Variants in KIF14 observed in about 807,000 individuals in gnomAD.
KIF14 encodes kinesin family member 14.
Under a neutral mutation model 176.2 loss-of-function variants are expected in KIF14, and 98 were observed. That is an observed-to-expected ratio of 0.56 (90% confidence interval 0.47 to 0.66). The LOEUF (loss-of-function observed/expected upper bound fraction) is 0.66. Among genes scored for constraint, KIF14 ranks in the 30% least tolerant of loss-of-function variants. The pLI, the probability that KIF14 is intolerant of heterozygous loss-of-function variation, is 0.00. For synonymous variants in KIF14, 566 were observed against 632.2 expected (o/e 0.90, Z 1.57); for missense variants, 1,751 against 1,920.4 (o/e 0.91, Z 1.65).
Position 200,603,246 on chromosome 1 carries a change from A to G in KIF14, c.1959T>C (p.Tyr653=), listed in dbSNP as rs749861863. The G allele has an allele frequency of 3.1e-6, 5 of 1,600,242 alleles. No individual in the cohort carries two copies. The Admixed American group carries it at 5.0e-5, about 16-fold the overall frequency. The part of the protein sequence containing the change: ...QANQRSVFIP[Y]RESVLTWLLK... ...CTTGCCATGTAAGAACAGATTCACG[A>G]TAAGGAATAAAAACACTCCTTTGGT... Residue 653 remains tyrosine (Y), a synonymous_variant, in exon 10 of 30, where the codon TAT becomes TAC. Transcript: ENST00000367350.
Position 200,590,455 on chromosome 1 carries a change from A to G in KIF14, c.2814-183T>C, listed in dbSNP as rs1184137066. Among the ~76,000 whole-genome samples the G allele has an allele frequency of 2.0e-5, 3 of 152,218 alleles. No individual in the cohort carries two copies. The South Asian group carries it at 6.2e-4, about 32-fold the overall frequency. ...GGCTCTACAATTGTTTACACTCAAA[A>G]TTTAAACACGCAGGACGAAAAATTG... is the stretch of plus-strand genomic sequence containing the variant. On this transcript the variant is annotated intron_variant, in intron 16 of 29. Transcript: ENST00000367350.
chr1:200,605,538 AT>A, intron 7 of KIF14, 148 bp from the exon 8 acceptor site: 2 of 536,234 alleles, frequency 3.7e-6, no homozygotes, highest in Non-Finnish European at 6.5e-6. Context: ...ACATATACAC[AT>A]TTGTAATTAA....
Position 200,596,612 on chromosome 1 carries a change from T to C in KIF14, c.2549+1625A>G, listed in dbSNP as rs543762753. On this transcript the variant is annotated intron_variant, in intron 14 of 29. Transcript: ENST00000367350. ...TAGAGTCTCACTCTATTGCCTAGGG[T>C]GGAGTATAGCAGAGTCATCTTGGCT... 3.4e-4 allele frequency among the ~76,000 whole-genome samples: 42 copies of C among 124,512 alleles called. No individual in the cohort carries two copies. In the South Asian group the frequency reaches 0.012, roughly 35 times the overall value. The allele number at this position is 124,512 out of a possible 152,430, so 81.7% of individuals were successfully genotyped here.
chr1:200,575,431 T>C (rs895585275), intron 22 of KIF14, among the ~76,000 whole-genome samples, 160 bp downstream of exon 22: 3 of 152,116 alleles, frequency 2.0e-5, no homozygotes, highest in African/African-American at 7.2e-5. Flanking sequence ...AATAACATAT[T>C]ATTCCTCTTA....
chr1:200,613,710 C>G (rs958148359), intron 4 of KIF14, among the ~76,000 whole-genome samples: 3 of 152,016 alleles, frequency 2.0e-5, no homozygotes, highest in Non-Finnish European at 4.4e-5. Flanking sequence ...CATACACATG[C>G]ACATATATGT....
At chr1:200,605,202 G>T in intron 8 of KIF14, 81 bp downstream of exon 8, 1 of 1,348,026 alleles carries the variant, frequency 7.4e-7, no homozygotes, top group Non-Finnish European at 1.0e-6. Context: ...ATGAGATCGG[G>T]AACTTTTTAA....
intron 7 of KIF14, 67 bp from the exon 8 acceptor site, chr1:200,605,457 A>G: frequency 2.7e-6 from 3 of 1,110,730 alleles, no homozygotes; most frequent in South Asian, 2.8e-5. Flanking sequence ...AAATTAAGAG[A>G]GACAACATAT....
At chr1:200,603,725 A>G (rs1306488072) in intron 9 of KIF14, 114 bp downstream of exon 9, 8 of 672,532 alleles carry the variant, frequency 1.2e-5, no homozygotes, top group Non-Finnish European at 1.9e-5. Context: ...TGCAGTCTAT[A>G]AACTGCAGAT....
chr1:200,586,215 G>T lies in KIF14; in HGVS notation c.3127C>A (p.His1043Asn). 6.3e-7 allele frequency: 1 copy of T among 1,595,798 alleles called. No individual in the cohort carries two copies. The highest frequency in any genetic ancestry group is 1.1e-5 in the South Asian group (1 of 88,248). ...TLATKQALED[H>N]SIRHARILEA... The stretch of plus-strand genomic sequence containing the variant: ...AGAATTCTTGCATGGCGGATGCTAT[G>T]GTCTTCTAAAGCCTAATTGATATTC... Residue 1043 changes from histidine to asparagine, a missense_variant, in exon 19 of 30, where the codon CAT becomes AAT. Coordinates refer to ENST00000367350, the MANE Select transcript of KIF14 (RefSeq NM_014875.3).
chr1:200,565,139 A>C lies in KIF14; in HGVS notation c.4001T>G (p.Ile1334Arg). 2 of 1,613,860 alleles carry C rather than the reference A, an allele frequency of 1.2e-6. No homozygotes were observed. Among genetic ancestry groups the C allele is most frequent in the Non-Finnish European group, 1.7e-6 (2 of 1,179,748 alleles). ...TCTCAACTCATCCTCAAGTCTTGCT[A>C]TGTTGGTACAAGGCAGTAAATCACT... ...WLSDLLPCTN[I>R]ARLEDELRQE... The change falls in exon 25 of 30, where the codon ATA (isoleucine) becomes AGA (arginine). Residue 1334 changes from isoleucine to arginine, a missense_variant. Physicochemically the swap from Ile to Arg is moderately conservative, Grantham distance 97. Transcript: ENST00000367350.
intron 1 of KIF14, among the ~76,000 whole-genome samples, chr1:200,620,208 G>T (rs1218714855): frequency 1.3e-5 from 2 of 152,314 alleles, no homozygotes; most frequent in East Asian, 1.9e-4. Flanking sequence ...AAGGCAAAAA[G>T]AAGATTCTGG....
In KIF14 at chr1:200,603,228, T is replaced by G. The variant is rs745318634; in HGVS notation, c.1977A>C (p.Thr659=). 6.4e-7 allele frequency: 1 copy of G among 1,554,634 alleles called. No homozygotes were observed. Residue 659 remains threonine (T), a splice_region_variant and synonymous_variant, in exon 10 of 30, where the codon ACA becomes ACC. Coordinates refer to ENST00000367350, the MANE Select transcript of KIF14 (RefSeq NM_014875.3). ...TTTATACTTCAAAAGATACTTGCCATGTAAGAACAGATTCACGATAAGGAA... is the reference window on the plus strand; with the variant it reads ...TTTATACTTCAAAAGATACTTGCCAGGTAAGAACAGATTCACGATAAGGAA... ...VFIPYRESVL[T]WLLKESLGGN...
intron 5 of KIF14, among the ~76,000 whole-genome samples, chr1:200,607,945 T>C (rs148439926): frequency 0.023 from 3,569 of 152,310 alleles, 50 homozygotes; most frequent in Non-Finnish European, 0.035. Flanking sequence ...GTGATCCACC[T>C]GCCTTGACCT....
chr1:200,582,372 C>CAA (rs576581264), intron 19 of KIF14, among the ~76,000 whole-genome samples: 12 of 144,756 alleles, frequency 8.3e-5, no homozygotes, highest in African/African-American at 1.5e-4. Flanking sequence ...GACTTTGTCT[C>CAA]AAAAAAAAAA....
chr1:200,560,728 A>G lies in KIF14; in HGVS notation c.4224T>C (p.Ser1408=), dbSNP rs758552724. The change falls in exon 26 of 30, where the codon AGT becomes AGC. Residue 1408 remains serine (S), a synonymous_variant. Coordinates refer to ENST00000367350, the MANE Select transcript of KIF14 (RefSeq NM_014875.3). The stretch of plus-strand genomic sequence containing the variant: ...ACTAACATTGCTAAATTACCTGGAC[A>G]CTGGCAGCTTTATTGTTACCGTTTT... The part of the protein sequence containing the change: ...FLENGNNKAA[S]VQEEFMDAVC... The G allele has an allele frequency of 8.2e-5, 132 of 1,614,084 alleles. No individual in the cohort carries two copies. The highest frequency in any genetic ancestry group is 1.1e-4 in the Non-Finnish European group (130 of 1,180,038).
intron 5 of KIF14, among the ~76,000 whole-genome samples, chr1:200,608,335 A>G (rs1259464645): frequency 6.6e-6 from 1 of 150,564 alleles, no homozygotes; most frequent in Non-Finnish European, 1.5e-5. Context: ...AACTAATTTA[A>G]TTTCTACTAG....
rs181432777 is a variant in KIF14, at chr1:200,609,373, G to A, written c.1456-445C>T. Among the ~76,000 whole-genome samples the A allele has an allele frequency of 3.7e-3, 556 of 152,308 alleles. 6 individuals are homozygous for A. The highest frequency in any genetic ancestry group is 1.7e-3 in the Non-Finnish European group (115 of 68,028). ...GTTAAAAATAGAATTACCGGGCCGGGCACAGTGGCTCACACCTGTAATCCC... is the reference window on the plus strand; with the variant it reads ...GTTAAAAATAGAATTACCGGGCCGGACACAGTGGCTCACACCTGTAATCCC... On this transcript the variant is annotated intron_variant, in intron 4 of 29. Transcript: ENST00000367350.
At chr1:200,577,770 A>G (rs1292153414) in intron 21 of KIF14, among the ~76,000 whole-genome samples, 3 of 114,226 alleles carry the variant, frequency 2.6e-5, no homozygotes, top group Non-Finnish European at 6.0e-5. Flanking sequence ...CTTTTCAGTT[A>G]TTGTGGTTTT....
intron 4 of KIF14, among the ~76,000 whole-genome samples, chr1:200,612,629 G>A (rs1021003557): frequency 6.6e-6 from 1 of 152,118 alleles, no homozygotes; most frequent in African/African-American, 2.4e-5. Flanking sequence ...GGGAATGAGA[G>A]GTTGAGGGTA....
Sources: gnomAD v4.1 joint callset for allele counts (sites outside exome capture counted in the v4.1 genomes callset) on GRCh38, gnomAD v4.1.1 for gene constraint, MANE v1.5 for transcripts, NCBI Gene and HGNC (gene_info 2026-07-23, HGNC 2026-07-21) for gene names.